The following VPS41 variants were observed in gnomAD, a reference collection of about 807,000 sequenced individuals.
VPS41 encodes vacuolar protein sorting-associated protein 41 homolog.
VPS41 carries 85 observed loss-of-function variants against 130.9 expected under a neutral mutation model. The observed-to-expected ratio is 0.65, with a 90% CI of 0.55 to 0.78. The LOEUF (loss-of-function observed/expected upper bound fraction) is 0.78, where lower values mean the gene tolerates loss of function less well. Ranked by LOEUF, VPS41 falls within the 30% of genes least tolerant of loss-of-function variation. The pLI, the probability that VPS41 is intolerant of heterozygous loss-of-function variation, is 0.00. For synonymous variants in VPS41, 335 were observed against 332.9 expected, an observed-to-expected ratio of 1.01 and a Z score of -0.07; for missense variants, 874 against 1,018.7, an observed-to-expected ratio of 0.86 and a Z score of 1.93.
chr7:38,761,876 C>T lies in VPS41; in HGVS notation c.1422+1579G>A, dbSNP rs112882928. Among the ~76,000 whole-genome samples the T allele has an allele frequency of 8.0e-3, 1,220 of 152,178 alleles. 15 individuals carry two copies. Among genetic ancestry groups the T allele is most frequent in the African/African-American group, 0.027 (1,129 of 41,516 alleles). ...TGCTGGGATTACAGATGTGAGCCAC[C>T]GTGACAGCCCTGTTTTCTTAAGACT... On this transcript the variant is annotated intron_variant, in intron 17 of 28. Coordinates refer to ENST00000310301, the MANE Select transcript of VPS41 (RefSeq NM_014396.4).
intron 2 of VPS41, among the ~76,000 whole-genome samples, chr7:38,876,560 C>CT (rs1786496156): frequency 2.6e-5 from 4 of 152,130 alleles, no homozygotes; most frequent in Admixed American, 6.5e-5. Flanking sequence ...TGAGCTATTG[C>CT]CAATATTTTC....
chr7:38,890,637 C>A (rs913452233), intron 2 of VPS41, among the ~76,000 whole-genome samples: 12 of 151,898 alleles, frequency 7.9e-5, no homozygotes, highest in Admixed American at 7.9e-4. Context: ...TAAGATGTTA[C>A]CCTTTGGAAA....
chr7:38,803,302 C>A lies in VPS41; in HGVS notation c.451-6438G>T, dbSNP rs77775084. On this transcript the variant is annotated intron_variant, in intron 7 of 28. Coordinates refer to ENST00000310301, the MANE Select transcript of VPS41 (RefSeq NM_014396.4). The stretch of plus-strand genomic sequence containing the variant: ...AGAGTATCATTGGCCCTGTTTTAAT[C>A]ACCTTGTGATCTTTCAAGTTGATAA... Among the ~76,000 whole-genome samples, 501 of 152,322 alleles carry A rather than the reference C, an allele frequency of 3.3e-3. 3 individuals are homozygous for A. The highest frequency in any genetic ancestry group is 0.012 in the African/African-American group (482 of 41,576).
Position 38,907,388 on chromosome 7 carries a change from G to T in VPS41, c.21+1766C>A, listed in dbSNP as rs1476630947. On this transcript the variant is annotated intron_variant, in intron 1 of 28. Coordinates refer to ENST00000310301, the MANE Select transcript of VPS41 (RefSeq NM_014396.4). ...GGAAAAATGAGGTCAAGAAAAGGTG[G>T]CTAAGGGCAGCTGGGTCAAGGTCCT... Among the ~76,000 whole-genome samples the T allele has an allele frequency of 4.6e-5, 7 of 152,160 alleles. No individual in the cohort carries two copies. In the East Asian group the frequency reaches 1.3e-3, roughly 29 times the overall value.
intron 4 of VPS41, among the ~76,000 whole-genome samples, chr7:38,861,982 C>G (rs1786123557): frequency 1.3e-5 from 2 of 152,270 alleles, no homozygotes; most frequent in African/African-American, 4.8e-5. Flanking sequence ...ACCGATCCAG[C>G]AAGGTGATCA....
At chr7:38,742,934 T>C (rs1262200319) in intron 24 of VPS41, among the ~76,000 whole-genome samples, 2 of 152,036 alleles carry the variant, frequency 1.3e-5, no homozygotes, top group Non-Finnish European at 2.9e-5. Context: ...GTTGTACTGA[T>C]AAAAATAGTG....
chr7:38,889,501 G>A (rs1207090913), intron 2 of VPS41, among the ~76,000 whole-genome samples: 1 of 125,958 alleles, frequency 7.9e-6, no homozygotes, highest in Non-Finnish European at 1.7e-5. Context: ...TGTCCTCAAA[G>A]AAAAGAATTG....
In VPS41 at chr7:38,752,270, C is replaced by T. The variant is rs147076218; in HGVS notation, c.1832G>A (p.Arg611His). 3,255 of 1,613,862 alleles carry T rather than the reference C, an allele frequency of 2.0e-3. 3 individuals carry two copies. The highest frequency in any genetic ancestry group is 2.7e-3 in the Non-Finnish European group (3,139 of 1,179,852). The change falls in exon 22 of 29, where the codon CGT (arginine) becomes CAT (histidine). Residue 611 changes from arginine (R) to histidine (H), a missense_variant. Physicochemically the swap from Arg to His is conservative, Grantham distance 29. Transcript: ENST00000310301. Reference sequence around the variant, plus strand: ...AAGACTGATCTGTTTTTCATGGTAACGCTGCCCCTTATGGTGGTCTCTCTT... The same window carrying T: ...AAGACTGATCTGTTTTTCATGGTAATGCTGCCCCTTATGGTGGTCTCTCTT... Reference protein sequence around the residue: ...LFKRDHHKGQRYHEKQISLYA... With the variant: ...LFKRDHHKGQHYHEKQISLYA...
chr7:38,773,362 T>C (rs997099456), intron 12 of VPS41, among the ~76,000 whole-genome samples: 3 of 152,194 alleles, frequency 2.0e-5, no homozygotes, highest in African/African-American at 4.8e-5. Context: ...AAGTCTAGAA[T>C]ATACTCTTAT....
At chr7:38,892,888 A>G (rs1786897143) in intron 2 of VPS41, among the ~76,000 whole-genome samples, 1 of 152,086 alleles carries the variant, frequency 6.6e-6, no homozygotes, top group African/African-American at 2.4e-5. Context: ...ACACTATCCT[A>G]TATTTCCTAT....
At chr7:38,760,738 G>C (rs1436114419) in intron 17 of VPS41, among the ~76,000 whole-genome samples, 2 of 151,938 alleles carry the variant, frequency 1.3e-5, no homozygotes, top group East Asian at 1.9e-4. Context: ...ATTGAGATCT[G>C]TCTCAGTCAC....
At position 38,796,944 on chromosome 7, in the gene VPS41, T is replaced by C; in HGVS notation, c.451-80A>G. 4 of 1,537,854 alleles carry C rather than the reference T, an allele frequency of 2.6e-6. No homozygotes were observed. The African/African-American group carries it at 5.5e-5, about 21-fold the overall frequency. ...GTTCTTTACTTACTAGTTTTACCTA[T>C]CCTCGTGACCAAATAACAAACAAGT... On this transcript the variant is annotated intron_variant, in intron 7 of 28. Transcript: ENST00000310301.
chr7:38,809,310 C>T (rs1784896033), intron 7 of VPS41, among the ~76,000 whole-genome samples: 1 of 149,158 alleles, frequency 6.7e-6, no homozygotes, highest in Non-Finnish European at 1.5e-5. Context: ...TAGTGAAACC[C>T]CGTCTCTACT....
intron 7 of VPS41, among the ~76,000 whole-genome samples, chr7:38,810,101 CTT>C (rs201960284): frequency 2.1e-5 from 3 of 144,912 alleles, no homozygotes; most frequent in African/African-American, 2.5e-5. Flanking sequence ...TGTGCTTTCT[CTT>C]TTTTTTTTTT....
intron 10 of VPS41, among the ~76,000 whole-genome samples, chr7:38,783,877 T>C (rs1784394966): frequency 1.0e-5 from 1 of 96,196 alleles, no homozygotes; most frequent in African/African-American, 2.8e-5. Context: ...TTCAAACCTA[T>C]GAGACAACAT....
intron 7 of VPS41, among the ~76,000 whole-genome samples, chr7:38,815,636 G>T (rs1785032849): frequency 6.6e-6 from 1 of 152,134 alleles, no homozygotes; most frequent in African/African-American, 2.4e-5. Context: ...GGTGGACTGG[G>T]AGAGGCAGAC....
chr7:38,750,844 G>T (rs537834447), intron 22 of VPS41, among the ~76,000 whole-genome samples: 1 of 152,168 alleles, frequency 6.6e-6, no homozygotes, highest in Non-Finnish European at 1.5e-5. Context: ...TGTCTCAGAG[G>T]TCAATGGGAG....
chr7:38,726,382 C>CAA, intron 28 of VPS41, 56 bp from the exon 29 acceptor site: 1 of 1,399,466 alleles, frequency 7.1e-7, no homozygotes, highest in Non-Finnish European at 1.0e-6. Context: ...TTTCTACTCT[C>CAA]ATATTCAGAA....
At chr7:38,736,341 C>T (rs1375445692) in intron 25 of VPS41, among the ~76,000 whole-genome samples, 1 of 152,188 alleles carries the variant, frequency 6.6e-6, no homozygotes, top group Non-Finnish European at 1.5e-5. Context: ...AACTATGTAA[C>T]GTATACAAGA....
Sources: allele counts gnomAD v4.1 joint callset (sites outside exome capture counted in the v4.1 genomes callset), GRCh38; gene constraint gnomAD v4.1.1; transcripts MANE v1.5; gene names NCBI Gene and HGNC (gene_info 2026-07-23, HGNC 2026-07-21).